Variants in NOTCH2 observed in about 807,000 individuals in gnomAD.
NOTCH2 encodes neurogenic locus notch homolog protein 2.
Under a neutral mutation model 235.8 loss-of-function variants are expected in NOTCH2, and 29 were observed. The observed-to-expected ratio is 0.12, with a 90% confidence interval of 0.09 to 0.17. NOTCH2 has a LOEUF of 0.17. NOTCH2 is among the 10% of genes least tolerant of loss of function. The pLI is 1.00. For synonymous variants in NOTCH2, 1,086 were observed against 1,141.5 expected (o/e 0.95, Z 0.98); for missense variants, 2,285 against 3,150.2 (o/e 0.73, Z 6.57).
At position 119,959,367 on chromosome 1, in the gene NOTCH2, G is replaced by C; in HGVS notation, c.2026+25C>G. On this transcript the variant is annotated intron_variant, in intron 12 of 33. Transcript: ENST00000256646. ...CCCAAAGTGATAGGGCTGAAGGAGG[G>C]GCCTTGCAGTAAAAGGAGCTTTACC... 5.0e-6 allele frequency: 6 copies of C among 1,199,726 alleles called. No homozygotes were observed. In the South Asian group the frequency reaches 7.2e-5, roughly 14 times the overall value. The allele number at this position is 1,199,726 out of a possible 1,614,324, so 74.3% of individuals were successfully genotyped here.
At chr1:119,963,050 T>C (rs1553199203) in intron 11 of NOTCH2, among the ~76,000 whole-genome samples, 1 of 152,066 alleles carries the variant, frequency 6.6e-6, no homozygotes, top group Non-Finnish European at 1.5e-5. Flanking sequence ...CTCCTCTTCC[T>C]TAGAATCCCC....
chr1:119,942,106 G>A (rs978404687), intron 17 of NOTCH2, among the ~76,000 whole-genome samples: 1 of 152,186 alleles, frequency 6.6e-6, no homozygotes, highest in African/African-American at 2.4e-5. Context: ...TGTGGAGTGT[G>A]TGGGGGAGGA....
intron 14 of NOTCH2, among the ~76,000 whole-genome samples, chr1:119,953,047 C>T (rs1553197975): frequency 6.6e-6 from 1 of 152,180 alleles, no homozygotes; most frequent in Non-Finnish European, 1.5e-5. Flanking sequence ...TGCGGTGGCT[C>T]ACGCCTGTAA....
Position 119,997,195 on chromosome 1 carries a change from C to T in NOTCH2, c.553G>A (p.Glu185Lys), listed in dbSNP as rs782360392. 7 of 1,613,896 alleles carry T rather than the reference C, an allele frequency of 4.3e-6. No individual in the cohort carries two copies. The highest frequency in any genetic ancestry group is 3.3e-5 in the Admixed American group (2 of 60,000). ...TGGCAGTGTCCTGGAATGTCACACT[C>T]ATTGACATCAGTCTCACATTTCTGC... ...TGQKCETDVN[E>K]CDIPGHCQHG... Residue 185 changes from glutamate to lysine, a missense_variant, in exon 4 of 34, where the codon GAG (glutamate) becomes AAG (lysine). Around this residue, in one of 6 missense-constraint regions of NOTCH2, gnomAD observed 431 missense variants for 757.8 expected, o/e 0.57. Coordinates refer to ENST00000256646, the MANE Select transcript of NOTCH2 (RefSeq NM_024408.4).
intron 9 of NOTCH2, among the ~76,000 whole-genome samples, chr1:119,965,895 G>A (rs782209837): frequency 6.6e-6 from 1 of 152,164 alleles, no homozygotes; most frequent in Non-Finnish European, 1.5e-5. Context: ...AATGGGGTAA[G>A]ATGCAATCTA....
intron 1 of NOTCH2, among the ~76,000 whole-genome samples, chr1:120,038,779 G>A (rs1204878145): frequency 1.3e-5 from 2 of 148,716 alleles, no homozygotes; most frequent in Non-Finnish European, 3.0e-5. Flanking sequence ...CTTTAACAAG[G>A]ATGAAAAGTT....
intron 1 of NOTCH2, 191 bp downstream of exon 1, chr1:120,069,143 C>A: frequency 2.0e-6 from 3 of 1,526,924 alleles, no homozygotes; most frequent in Non-Finnish European, 1.8e-6. Context: ...CGGGGAACCC[C>A]GGCGGTTGGC....
rs782404730 is a variant in NOTCH2 at position 120,069,478 on chromosome 1, T to G, written c.-72A>C. The G allele has an allele frequency of 4.5e-5, 67 of 1,495,840 alleles. 1 individual carries two copies. The South Asian group carries it at 7.2e-4, about 16-fold the overall frequency. 92.7% of individuals were successfully genotyped at this position (1,495,840 alleles called of 1,614,324 possible). A position where few individuals can be genotyped will look rare whatever the true frequency, so the allele number is the denominator to read the frequency against. On this transcript the variant is annotated 5_prime_UTR_variant, in exon 1 of 34. Transcript: ENST00000256646. ...GATCCACATGGGGAGGGGGTCCCGA[T>G]AGAGGAGCCCCACTCTCTCCTCCCC...
At chr1:119,938,112 T>C in intron 19 of NOTCH2, 102 bp from the exon 20 acceptor site, 1 of 1,343,388 alleles carries the variant, frequency 7.4e-7, no homozygotes, top group South Asian at 1.3e-5. Context: ...AGCAAACTGA[T>C]TAAAAAGAAA....
chr1:119,967,671 C>T, intron 7 of NOTCH2, 50 bp from the exon 8 acceptor site: 12 of 1,500,174 alleles, frequency 8.0e-6, no homozygotes, highest in Non-Finnish European at 1.1e-5. Flanking sequence ...TGAGTTTCCA[C>T]AAATGTGAAC....
chr1:119,969,431 G>T, intron 6 of NOTCH2, 80 bp downstream of exon 6: 1 of 1,178,374 alleles, frequency 8.5e-7, no homozygotes, highest in Non-Finnish European at 1.2e-6. Context: ...AGAATATGCT[G>T]TTTGGGATGA....
At position 119,915,023 on chromosome 1, in the gene NOTCH2, T is replaced by C; in HGVS notation, c.*283A>G. ...TCTGGGCTTCAATAAGCATCCATCTTATTCTCCAAATAGAAGAGAGTAAAC... is the reference window on the plus strand; with the variant it reads ...TCTGGGCTTCAATAAGCATCCATCTCATTCTCCAAATAGAAGAGAGTAAAC... On this transcript the variant is annotated 3_prime_UTR_variant, in exon 34 of 34. Transcript: ENST00000256646. The C allele has an allele frequency of 2.0e-6, 1 of 494,744 alleles. No individual in the cohort carries two copies. Among genetic ancestry groups the C allele is most frequent in the Non-Finnish European group, 3.7e-6 (1 of 270,612 alleles). The allele number at this position is 494,744 out of a possible 1,614,324, so 30.6% of individuals were successfully genotyped here.
At chr1:119,951,403 T>C (rs2453053) in intron 14 of NOTCH2, among the ~76,000 whole-genome samples, 151,862 of 152,352 alleles carry the variant, frequency 1, 75,690 homozygotes, top group Middle Eastern at 1. Flanking sequence ...CCTCCCACCT[T>C]ACCCTCCCAA....
intron 17 of NOTCH2, among the ~76,000 whole-genome samples, chr1:119,942,947 A>G (rs367875729): frequency 1.4e-5 from 2 of 143,710 alleles, no homozygotes; most frequent in Middle Eastern, 3.8e-3. Context: ...ATCTTGGCTC[A>G]CTGCAACCTC....
chr1:120,038,640 T>A (rs1218565401), intron 1 of NOTCH2, among the ~76,000 whole-genome samples: 6 of 124,560 alleles, frequency 4.8e-5, no homozygotes, highest in Admixed American at 2.1e-4. Flanking sequence ...AAACTAAATA[T>A]CTATAATTAA....
intron 1 of NOTCH2, among the ~76,000 whole-genome samples, chr1:120,045,400 A>C (rs1411563524): frequency 1.7e-5 from 2 of 117,556 alleles, no homozygotes; most frequent in Non-Finnish European, 1.6e-5. Context: ...CCTGTAGGAC[A>C]CTCTGGTAGA....
At chr1:119,967,950 C>T (rs1651208493) in intron 7 of NOTCH2, 127 bp downstream of exon 7, 7 of 1,034,556 alleles carry the variant, frequency 6.8e-6, no homozygotes, top group Non-Finnish European at 1.0e-5. Flanking sequence ...AAACACTGGC[C>T]ATGTAGCAAG....
intron 5 of NOTCH2, among the ~76,000 whole-genome samples, chr1:119,974,158 C>G (rs1553200656): frequency 6.6e-6 from 1 of 152,182 alleles, no homozygotes. Flanking sequence ...CCATGTCCTA[C>G]CAAGCTACTA....
intron 2 of NOTCH2, among the ~76,000 whole-genome samples, chr1:120,011,690 T>C (rs1428024953): frequency 6.6e-6 from 1 of 151,482 alleles, no homozygotes; most frequent in South Asian, 2.1e-4. Context: ...CTCCATTTTA[T>C]ATATGAGGAA....
Sources: allele counts gnomAD v4.1 joint callset (sites outside exome capture counted in the v4.1 genomes callset), GRCh38; gene constraint gnomAD v4.1.1; regional missense constraint gnomAD v4.1.1; transcripts MANE v1.5; gene names NCBI Gene and HGNC (gene_info 2026-07-23, HGNC 2026-07-21).